TRPC4: variants seen among roughly 807,000 people sequenced by gnomAD.
TRPC4 encodes transient receptor potential cation channel subfamily C member 4.
Under a neutral mutation model 99.4 loss-of-function variants are expected in TRPC4, and 49 were observed. The observed-to-expected ratio is 0.49, with a 90% CI of 0.39 to 0.63. The LOEUF is 0.63. Among genes scored for constraint, TRPC4 ranks in the 20% least tolerant of loss-of-function variants. The pLI is 0.00. For missense variants in TRPC4, 898 were observed against 1,152.9 expected (o/e 0.78, Z 3.20); for synonymous variants, 454 against 425.9 (o/e 1.07, Z -0.81).
At chr13:37,776,336 C>T (rs1053596915) in intron 2 of TRPC4, among the ~76,000 whole-genome samples, 2 of 151,874 alleles carry the variant, frequency 1.3e-5, no homozygotes, top group African/African-American at 4.8e-5. Flanking sequence ...ATTGATAAAT[C>T]GATATATAAA....
intron 2 of TRPC4, among the ~76,000 whole-genome samples, chr13:37,754,213 C>G (rs574263711): frequency 4.8e-4 from 73 of 152,188 alleles, no homozygotes; most frequent in African/African-American, 1.7e-3. Flanking sequence ...ATCTCAATCC[C>G]TCTCCTTTGC....
chr13:37,725,815 A>C (rs1566123701), intron 3 of TRPC4, among the ~76,000 whole-genome samples: 4 of 152,326 alleles, frequency 2.6e-5, no homozygotes, highest in Non-Finnish European at 4.4e-5. Flanking sequence ...GAAATGCTAA[A>C]TTGAGTTCTG....
At chr13:37,787,374 C>T (rs1442168833) in intron 1 of TRPC4, among the ~76,000 whole-genome samples, 2 of 151,858 alleles carry the variant, frequency 1.3e-5, no homozygotes, top group Non-Finnish European at 2.9e-5. Context: ...TAACTTTTCC[C>T]CAAATAGTGC....
At chr13:37,821,715 G>T (rs569291302) in intron 1 of TRPC4, among the ~76,000 whole-genome samples, 10 of 152,230 alleles carry the variant, frequency 6.6e-5, no homozygotes, top group Non-Finnish European at 1.5e-4. Context: ...AATGGGGAAA[G>T]GTCTCTCTAT....
chr13:37,822,970 G>T (rs1958060022), intron 1 of TRPC4, among the ~76,000 whole-genome samples: 1 of 147,364 alleles, frequency 6.8e-6, no homozygotes, highest in African/African-American at 2.5e-5. Context: ...ATTCTAACTG[G>T]TGTGAGATGG....
chr13:37,726,649 C>T (rs1439317742), intron 3 of TRPC4, among the ~76,000 whole-genome samples: 1 of 152,088 alleles, frequency 6.6e-6, no homozygotes, highest in Non-Finnish European at 1.5e-5. Context: ...CTCTCCAACT[C>T]AACGGACAGG....
intron 8 of TRPC4, among the ~76,000 whole-genome samples, chr13:37,642,527 TTCAGG>T (rs1347637329): frequency 6.6e-6 from 1 of 152,036 alleles, no homozygotes; most frequent in African/African-American, 2.4e-5. Context: ...GATATTTCTC[TTCAGG>T]GACTCAGGAT....
chr13:37,748,842 G>A (rs1316803201), intron 2 of TRPC4, among the ~76,000 whole-genome samples: 2 of 151,730 alleles, frequency 1.3e-5, no homozygotes, highest in Non-Finnish European at 2.9e-5. Context: ...TAAAATATGT[G>A]AGAATATACC....
chr13:37,780,150 A>G (rs549443031), intron 2 of TRPC4, among the ~76,000 whole-genome samples: 1 of 152,104 alleles, frequency 6.6e-6, no homozygotes, highest in Non-Finnish European at 1.5e-5. Flanking sequence ...AGACAAATTC[A>G]TCTGAAATCT....
Position 37,655,172 on chromosome 13 carries a change from C to T in TRPC4, c.1800G>A (p.Met600Ile), listed in dbSNP as rs1464030023. The change falls in exon 7 of 11, where the codon ATG (methionine) becomes ATA (isoleucine). Residue 600 changes from methionine (M) to isoleucine (I), a missense_variant. Physicochemically the swap from Met to Ile is conservative, Grantham distance 10. Around this residue, in one of 3 missense-constraint regions of TRPC4, gnomAD observed 274 missense variants for 454.9 expected, o/e 0.60. Transcript: ENST00000379705. The stretch of plus-strand genomic sequence containing the variant: ...GAGAGATGACATTGTATGTCCCAAA[C>T]ATGGTGGCACCAACAAACTCAGTAA... ...HEFTEFVGAT[M>I]FGTYNVISLV... is the part of the protein sequence containing the mutation. 8.7e-6 allele frequency: 14 copies of T among 1,607,956 alleles called. No individual in the cohort carries two copies. The highest frequency in any genetic ancestry group is 1.1e-5 in the Non-Finnish European group (13 of 1,176,528).
At chr13:37,642,636 G>T (rs1282162222) in intron 8 of TRPC4, among the ~76,000 whole-genome samples, 2 of 152,058 alleles carry the variant, frequency 1.3e-5, no homozygotes, top group African/African-American at 4.8e-5. Context: ...AGTTTTTTCA[G>T]TGTAGGAACC....
chr13:37,831,101 T>G (rs1412786625), intron 1 of TRPC4, among the ~76,000 whole-genome samples: 1 of 152,086 alleles, frequency 6.6e-6, no homozygotes, highest in Admixed American at 6.6e-5. Flanking sequence ...GAAGAATTTT[T>G]TTTTCACATT....
intron 3 of TRPC4, among the ~76,000 whole-genome samples, chr13:37,725,144 G>A (rs1955008277): frequency 6.6e-6 from 1 of 151,956 alleles, no homozygotes; most frequent in Admixed American, 6.6e-5. Context: ...GCGGACTGAA[G>A]AAAAAATTAG....
chr13:37,720,197 A>C (rs1284346023), intron 3 of TRPC4, among the ~76,000 whole-genome samples: 3 of 152,184 alleles, frequency 2.0e-5, no homozygotes, highest in Non-Finnish European at 4.4e-5. Flanking sequence ...TTTTTGACAT[A>C]TTGCCCTATA....
intron 1 of TRPC4, among the ~76,000 whole-genome samples, chr13:37,806,630 A>C (rs1386861877): frequency 6.6e-6 from 1 of 152,062 alleles, no homozygotes; most frequent in Non-Finnish European, 1.5e-5. Flanking sequence ...ACCTGAAAAA[A>C]TATTCCTTTT....
intron 5 of TRPC4, 60 bp from the exon 6 acceptor site, chr13:37,663,789 A>AG: frequency 7.1e-7 from 1 of 1,411,214 alleles, no homozygotes; most frequent in South Asian, 1.4e-5. Flanking sequence ...AAATAGATCA[A>AG]GGTCAGACCC....
chr13:37,787,564 C>T (rs1210406356), intron 1 of TRPC4, among the ~76,000 whole-genome samples: 1 of 151,996 alleles, frequency 6.6e-6, no homozygotes, highest in Non-Finnish European at 1.5e-5. Flanking sequence ...GTTTCAGTAG[C>T]TGCAAGTGTT....
intron 3 of TRPC4, among the ~76,000 whole-genome samples, chr13:37,718,655 C>T (rs890139421): frequency 6.6e-6 from 1 of 151,898 alleles, no homozygotes; most frequent in South Asian, 2.1e-4. Context: ...ACTGAATGAG[C>T]TTAACAGCAG....
chr13:37,650,781 T>C lies in TRPC4; in HGVS notation c.2079+484A>G, dbSNP rs547676683. On this transcript the variant is annotated intron_variant, in intron 8 of 10. Coordinates refer to ENST00000379705, the MANE Select transcript of TRPC4 (RefSeq NM_016179.4). ...TTATAATATTCAGTCAATCATTTAA[T>C]TGAGAATTCTTATCAAGCATAAAAT... 2.6e-5 allele frequency among the ~76,000 whole-genome samples: 4 copies of C among 151,872 alleles called. No individual in the cohort carries two copies. In the South Asian group the frequency reaches 6.3e-4, roughly 24 times the overall value.
Sources: gnomAD v4.1 joint callset for allele counts (sites outside exome capture counted in the v4.1 genomes callset) on GRCh38, gnomAD v4.1.1 for gene constraint, gnomAD v4.1.1 regional missense constraint, MANE v1.5 for transcripts, NCBI Gene and HGNC (gene_info 2026-07-23, HGNC 2026-07-21) for gene names.